Variants in KCNJ6 observed in about 807,000 individuals in gnomAD.
KCNJ6 encodes G protein-activated inward rectifier potassium channel 2.
A neutral mutation model predicts 34.2 loss-of-function variants in KCNJ6; 9 were observed. The ratio of observed to expected loss-of-function variants is 0.26; its 90% CI spans 0.16 to 0.46. The LOEUF is 0.46. Ranked by LOEUF, KCNJ6 falls within the 20% of genes least tolerant of loss-of-function variation. The pLI, the probability that KCNJ6 is intolerant of heterozygous loss-of-function variation, is 1.00. For synonymous variants in KCNJ6, 196 were observed against 207.1 expected, an observed-to-expected ratio of 0.95 and a Z score of 0.46; for missense variants, 236 against 531.3, an observed-to-expected ratio of 0.44 and a Z score of 5.46.
intron 3 of KCNJ6, among the ~76,000 whole-genome samples, chr21:37,692,402 A>C (rs1175468536): frequency 6.6e-6 from 1 of 152,166 alleles, no homozygotes; most frequent in African/African-American, 2.4e-5. Flanking sequence ...GTGGATTTAA[A>C]GTAGACAGAA....
intron 3 of KCNJ6, among the ~76,000 whole-genome samples, chr21:37,655,269 G>A (rs200138387): frequency 1.9e-4 from 20 of 106,920 alleles, no homozygotes; most frequent in East Asian, 5.2e-4. Context: ...GAGAGAGAGA[G>A]AGAGAGAGAG....
At chr21:37,697,412 G>A (rs1488066250) in intron 3 of KCNJ6, among the ~76,000 whole-genome samples, 1 of 152,190 alleles carries the variant, frequency 6.6e-6, no homozygotes, top group African/African-American at 2.4e-5. Context: ...AGAGAACAAA[G>A]CAAGCCGGGA....
At chr21:37,749,429 C>A (rs1256875789) in intron 2 of KCNJ6, among the ~76,000 whole-genome samples, 1 of 152,102 alleles carries the variant, frequency 6.6e-6, no homozygotes, top group East Asian at 1.9e-4. Context: ...ATGCAGGGAG[C>A]CCCATAGGGA....
In KCNJ6 at chr21:37,639,047, C is replaced by T. The variant is rs556128366; in HGVS notation, c.947-13563G>A. Among the ~76,000 whole-genome samples the T allele has an allele frequency of 3.9e-5, 6 of 152,346 alleles. No individual in the cohort carries two copies. In the South Asian group the frequency reaches 1.2e-3, roughly 32 times the overall value. On this transcript the variant is annotated intron_variant, in intron 3 of 3. Coordinates refer to ENST00000609713, the MANE Select transcript of KCNJ6 (RefSeq NM_002240.5). The stretch of plus-strand genomic sequence containing the variant: ...CATGTCACCTTATTTAGCCTGAGGG[C>T]TCCCAATAATGTACCAGTAGGTGAT...
At chr21:37,653,553 T>G (rs1428714194) in intron 3 of KCNJ6, among the ~76,000 whole-genome samples, 1 of 152,224 alleles carries the variant, frequency 6.6e-6, no homozygotes, top group Admixed American at 6.5e-5. Flanking sequence ...TTTCTAACTG[T>G]GCTTAAAAAA....
At chr21:37,814,828 G>A (rs1324881347) in intron 2 of KCNJ6, among the ~76,000 whole-genome samples, 1 of 151,196 alleles carries the variant, frequency 6.6e-6, no homozygotes, top group African/African-American at 2.4e-5. Context: ...AACCCAGGAG[G>A]CGGAGCTTGC....
At chr21:37,697,230 A>G (rs146314541) in intron 3 of KCNJ6, among the ~76,000 whole-genome samples, 88 of 152,296 alleles carry the variant, frequency 5.8e-4, no homozygotes, top group Middle Eastern at 6.8e-3. Context: ...ACAGGGGCCA[A>G]TGGGGTGCTC....
At chr21:37,888,191 G>A (rs372430367) in intron 1 of KCNJ6, among the ~76,000 whole-genome samples, 3 of 152,212 alleles carry the variant, frequency 2.0e-5, no homozygotes, top group Non-Finnish European at 2.9e-5. Context: ...TACATGGTGC[G>A]TGTGATTTTG....
chr21:37,674,989 C>T (rs978847700), intron 3 of KCNJ6, among the ~76,000 whole-genome samples: 2 of 152,190 alleles, frequency 1.3e-5, no homozygotes, highest in African/African-American at 4.8e-5. Context: ...TTTTCCCAGA[C>T]AGCCCACCCT....
chr21:37,646,459 C>T (rs915204912), intron 3 of KCNJ6, among the ~76,000 whole-genome samples: 5 of 152,128 alleles, frequency 3.3e-5, no homozygotes, highest in Admixed American at 2.6e-4. Context: ...TTGGCTCAGG[C>T]TTTTAAAGAC....
chr21:37,698,967 G>A (rs973866501), intron 3 of KCNJ6, among the ~76,000 whole-genome samples: 1 of 152,080 alleles, frequency 6.6e-6, no homozygotes, highest in Non-Finnish European at 1.5e-5. Flanking sequence ...CCAAAGTACT[G>A]GGATTTCAGG....
intron 3 of KCNJ6, among the ~76,000 whole-genome samples, chr21:37,637,901 A>G (rs2054365078): frequency 6.6e-6 from 1 of 152,254 alleles, no homozygotes; most frequent in Non-Finnish European, 1.5e-5. Flanking sequence ...AGCCCTAAGC[A>G]GAAGCCAACC....
Position 37,616,044 on chromosome 21 carries a change from A to G in KCNJ6, c.*9115T>C, listed in dbSNP as rs4816568. 47,261 of 151,818 alleles carry G rather than the reference A, an allele frequency of 0.31. 7,524 individuals carry two copies. Among genetic ancestry groups the G allele is most frequent in the South Asian group, 0.35 (1,676 of 4,818 alleles). 9.4% of individuals were successfully genotyped at this position (151,818 alleles called of 1,614,324 possible). On this transcript the variant is annotated 3_prime_UTR_variant, in exon 4 of 4. Transcript: ENST00000609713. Reference sequence around the variant, plus strand: ...TGTGTGCTGGGTCCTACTCCACATTACCTTGGGTTCTCCCAAGGCTGTCTG... The same window carrying G: ...TGTGTGCTGGGTCCTACTCCACATTGCCTTGGGTTCTCCCAAGGCTGTCTG...
intron 3 of KCNJ6, among the ~76,000 whole-genome samples, chr21:37,627,554 G>T (rs2054316736): frequency 6.6e-6 from 1 of 152,198 alleles, no homozygotes; most frequent in South Asian, 2.1e-4. Flanking sequence ...GGAAGTACAT[G>T]TTTATGGTAA....
chr21:37,736,046 T>C (rs1283000992), intron 2 of KCNJ6, among the ~76,000 whole-genome samples: 1 of 152,150 alleles, frequency 6.6e-6, no homozygotes, highest in African/African-American at 2.4e-5. Context: ...GTGGAGTCTA[T>C]AGTAAAGTGC....
At chr21:37,696,044 T>C (rs2054662042) in intron 3 of KCNJ6, among the ~76,000 whole-genome samples, 1 of 152,258 alleles carries the variant, frequency 6.6e-6, no homozygotes, top group African/African-American at 2.4e-5. Context: ...TCCATACTGA[T>C]ATAGATAGAT....
chr21:37,798,697 T>C (rs889725829), intron 2 of KCNJ6, among the ~76,000 whole-genome samples: 2 of 152,274 alleles, frequency 1.3e-5, no homozygotes, highest in African/African-American at 4.8e-5. Flanking sequence ...ATTCCATTCA[T>C]AATAGGGCAT....
At chr21:37,708,123 G>A (rs1166647636) in intron 3 of KCNJ6, among the ~76,000 whole-genome samples, 1 of 152,140 alleles carries the variant, frequency 6.6e-6, no homozygotes, top group African/African-American at 2.4e-5. Context: ...GGATTTTCTG[G>A]TATTGGTGAA....
chr21:37,715,277 C>T (rs1403448165), intron 2 of KCNJ6, 146 bp from the exon 3 acceptor site: 2 of 697,962 alleles, frequency 2.9e-6, no homozygotes, highest in African/African-American at 3.6e-5. Flanking sequence ...TTTTATTCCA[C>T]ACCATCTGGA....
Sources: gnomAD v4.1 joint callset for allele counts (sites outside exome capture counted in the v4.1 genomes callset) on GRCh38, gnomAD v4.1.1 for gene constraint, MANE v1.5 for transcripts, NCBI Gene and HGNC (gene_info 2026-07-23, HGNC 2026-07-21) for gene names.